HIF1A: variants seen among roughly 807,000 people sequenced by gnomAD.
HIF1A encodes hypoxia-inducible factor 1-alpha.
A neutral mutation model predicts 92.7 loss-of-function variants in HIF1A; 24 were observed. The ratio of observed to expected loss-of-function variants is 0.26; its 90% CI spans 0.19 to 0.36. The LOEUF is 0.36. HIF1A is among the 10% of genes least tolerant of loss of function. HIF1A has a pLI of 1.00. For missense variants in HIF1A, 799 were observed against 998.5 expected (o/e 0.80, Z 2.69); for synonymous variants, 319 against 338.7 (o/e 0.94, Z 0.64).
intron 8 of HIF1A, among the ~76,000 whole-genome samples, chr14:61,734,892 C>T (rs950165817): frequency 6.6e-6 from 1 of 152,108 alleles, no homozygotes; most frequent in Non-Finnish European, 1.5e-5. Context: ...CACATGCACC[C>T]TAGAACTTAA....
At chr14:61,724,349 T>TTCTCTCTC (rs147642291) in intron 4 of HIF1A, among the ~76,000 whole-genome samples, 9,830 of 95,968 alleles carry the variant, frequency 0.1, 996 homozygotes, top group Middle Eastern at 0.16. Flanking sequence ...CACACACACA[T>TTCTCTCTC]TCTCTCTCTC....
intron 6 of HIF1A, 72 bp downstream of exon 6, chr14:61,727,727 A>G: frequency 8.6e-7 from 1 of 1,168,162 alleles, no homozygotes; most frequent in Non-Finnish European, 1.3e-6. Flanking sequence ...TCACCATAGC[A>G]AAGATTCAGC....
chr14:61,737,807 A>T (rs1048521958), intron 9 of HIF1A, among the ~76,000 whole-genome samples: 37 of 152,230 alleles, frequency 2.4e-4, no homozygotes, highest in Admixed American at 4.6e-4. Flanking sequence ...CGGGTGGATC[A>T]CTTGAGGTTA....
rs760048106 is a variant in HIF1A at position 61,744,848 on chromosome 14, A to C, written c.2202+35A>C. 13 of 951,370 alleles carry C rather than the reference A, an allele frequency of 1.4e-5. No individual in the cohort carries two copies. In the South Asian group the frequency reaches 1.8e-4, roughly 13 times the overall value. 58.9% of individuals were successfully genotyped at this position (951,370 alleles called of 1,614,324 possible). A position where few individuals can be genotyped will look rare whatever the true frequency, so the allele number is the denominator to read the frequency against. The stretch of plus-strand genomic sequence containing the variant: ...AGTAGTAGGTTTTGCTTTTCTAGCT[A>C]ATGTGCTATTTCGTGTGTGTGTGTG... On this transcript the variant is annotated intron_variant, in intron 13 of 14. Coordinates refer to ENST00000337138, the MANE Select transcript of HIF1A (RefSeq NM_001530.4).
intron 10 of HIF1A, 77 bp from the exon 11 acceptor site, chr14:61,740,428 C>A: frequency 9.3e-7 from 1 of 1,077,140 alleles, no homozygotes; most frequent in South Asian, 1.7e-5. Flanking sequence ...TTTCTGAGAT[C>A]TAGTTTGAAA....
chr14:61,715,950 T>A (rs1447774657), intron 1 of HIF1A: 1 of 152,170 alleles, frequency 6.6e-6, no homozygotes, highest in Non-Finnish European at 1.5e-5. Context: ...AGTGAGCTTA[T>A]GATCATGCCA....
intron 12 of HIF1A, among the ~76,000 whole-genome samples, chr14:61,743,514 T>G (rs1221195877): frequency 6.6e-6 from 1 of 152,224 alleles, no homozygotes; most frequent in Non-Finnish European, 1.5e-5. Context: ...ATAGACTGAG[T>G]TACATTTCAT....
At chr14:61,738,045 A>AT in intron 9 of HIF1A, 42 bp from the exon 10 acceptor site, 2 of 1,458,098 alleles carry the variant, frequency 1.4e-6, no homozygotes, top group Non-Finnish European at 1.8e-6. Flanking sequence ...AAAAAAAAAA[A>AT]TCCTTCTATA....
chr14:61,747,142 G>A lies in HIF1A; in HGVS notation c.*57G>A. 2.1e-6 allele frequency: 3 copies of A among 1,446,888 alleles called. No homozygotes were observed. Among genetic ancestry groups the A allele is most frequent in the Non-Finnish European group, 2.8e-6 (3 of 1,067,896 alleles). 89.6% of individuals were successfully genotyped at this position (1,446,888 alleles called of 1,614,324 possible). On this transcript the variant is annotated 3_prime_UTR_variant, in exon 15 of 15. Coordinates refer to ENST00000337138, the MANE Select transcript of HIF1A (RefSeq NM_001530.4). Reference sequence around the variant, plus strand: ...CACTGGTGGCTCATTACCTAAAGCAGTCTATTTATATTTTCTACATCTAAT... The same window carrying A: ...CACTGGTGGCTCATTACCTAAAGCAATCTATTTATATTTTCTACATCTAAT...
At chr14:61,719,556 T>C (rs147964988) in intron 1 of HIF1A, among the ~76,000 whole-genome samples, 1 of 152,210 alleles carries the variant, frequency 6.6e-6, no homozygotes, top group African/African-American at 2.4e-5. Context: ...AACAAGCTAT[T>C]AGATGTCACT....
At position 61,732,669 on chromosome 14, in the gene HIF1A, TTG is replaced by T. The variant is rs1372593109; in HGVS notation, c.880+149_880+150del. 3 of 469,072 alleles carry T rather than the reference TTG, an allele frequency of 6.4e-6. No homozygotes were observed. The East Asian group carries it at 9.2e-5, about 14-fold the overall frequency. 29.1% of individuals were successfully genotyped at this position (469,072 alleles called of 1,614,324 possible). On this transcript the variant is annotated intron_variant, in intron 7 of 14. Coordinates refer to ENST00000337138, the MANE Select transcript of HIF1A (RefSeq NM_001530.4). ...CTATTCAGTAGAGATCTTGACCATT[TTG>T]TGTTTTGTATGTGTTGCAACAAATA...
At position 61,724,365 on chromosome 14, in the gene HIF1A, C is replaced by CTCTCTCTCTCTCTA. The variant is rs1310707198; in HGVS notation, c.458-2328_458-2327insATCTCTCTCTCTCT. Reference sequence around the variant, plus strand: ...ACACACACATTCTCTCTCTCTCTCTCTCTCTCTCTCTCTCTCCCCCTCCCT... The same window carrying CTCTCTCTCTCTCTA: ...ACACACACATTCTCTCTCTCTCTCTCTCTCTCTCTCTCTATCTCTCTCTCTCTCTCCCCCTCCCT... On this transcript the variant is annotated intron_variant, in intron 4 of 14. Transcript: ENST00000337138. Among the ~76,000 whole-genome samples, 3 of 149,702 alleles carry CTCTCTCTCTCTCTA rather than the reference C, an allele frequency of 2.0e-5. 1 individual carries two copies. Among genetic ancestry groups the CTCTCTCTCTCTCTA allele is most frequent in the Non-Finnish European group, 3.0e-5 (2 of 67,196 alleles).
chr14:61,719,315 A>C (rs2140135445), intron 1 of HIF1A, among the ~76,000 whole-genome samples: 1 of 152,332 alleles, frequency 6.6e-6, no homozygotes, highest in South Asian at 2.1e-4. Flanking sequence ...TTTAAAGTAG[A>C]AGCAGCATTC....
chr14:61,732,083 C>T (rs1236451682), intron 6 of HIF1A, among the ~76,000 whole-genome samples: 1 of 152,122 alleles, frequency 6.6e-6, no homozygotes, highest in African/African-American at 2.4e-5. Flanking sequence ...TTGCGGTGAG[C>T]CAAGATCACA....
In HIF1A at chr14:61,695,818, G is replaced by A. The variant is rs1471152502; in HGVS notation, c.14G>A (p.Gly5Asp). The change falls in exon 1 of 15, where the codon GGC (glycine) becomes GAC (aspartate). Residue 5 changes from glycine (G) to aspartate (D), a missense_variant. By Grantham distance (94) the Gly-to-Asp change is moderately conservative (BLOSUM62 -1). This residue lies in a region of HIF1A where 516 missense variants were observed against 721.0 expected (regional missense o/e 0.72). Transcript: ENST00000337138. The stretch of plus-strand genomic sequence containing the variant: ...GACCGATTCACCATGGAGGGCGCCG[G>A]CGGCGCGAACGACAAGAAAAAGTAA... Reference protein sequence around the residue: MEGAGGANDKKKISS... With the variant: MEGADGANDKKKISS... The A allele has an allele frequency of 3.1e-6, 5 of 1,595,540 alleles. No individual in the cohort carries two copies. Among genetic ancestry groups the A allele is most frequent in the Admixed American group, 3.5e-5 (2 of 56,396 alleles).
chr14:61,698,164 A>C (rs2140114509), intron 1 of HIF1A, among the ~76,000 whole-genome samples: 1 of 152,368 alleles, frequency 6.6e-6, no homozygotes, highest in South Asian at 2.1e-4. Flanking sequence ...AAAATTTCTG[A>C]GAATAGATAT....
At chr14:61,696,973 AACAC>A (rs1327439055) in intron 1 of HIF1A, among the ~76,000 whole-genome samples, 2 of 152,180 alleles carry the variant, frequency 1.3e-5, no homozygotes, top group Non-Finnish European at 2.9e-5. Context: ...CCCATCCCCC[AACAC>A]ACACACAATT....
At chr14:61,744,644 C>T (rs753040801) in intron 12 of HIF1A, 61 bp from the exon 13 acceptor site, 59 of 649,870 alleles carry the variant, frequency 9.1e-5, no homozygotes, top group Non-Finnish European at 1.4e-4. Flanking sequence ...TCTTTAAAAG[C>T]GCTCACTGGA....
At chr14:61,738,692 T>C (rs1393202564) in intron 10 of HIF1A, among the ~76,000 whole-genome samples, 3 of 152,222 alleles carry the variant, frequency 2.0e-5, no homozygotes, top group African/African-American at 7.2e-5. Flanking sequence ...AGAATAGTAC[T>C]AAGTGTGCTC....
Sources: allele counts gnomAD v4.1 joint callset (sites outside exome capture counted in the v4.1 genomes callset), GRCh38; gene constraint gnomAD v4.1.1; regional missense constraint gnomAD v4.1.1; transcripts MANE v1.5; gene names NCBI Gene and HGNC (gene_info 2026-07-23, HGNC 2026-07-21).